The following ANKRD66 variants were observed in gnomAD, a reference collection of about 807,000 sequenced individuals.
ANKRD66 encodes the protein ankyrin repeat domain-containing protein 66.
ANKRD66 carries 10 observed loss-of-function variants against 10.9 expected under a neutral mutation model. The ratio of observed to expected loss-of-function variants is 0.91; its 90% CI spans 0.56 to 1.55. ANKRD66 has a LOEUF of 1.55. Among genes scored for constraint, ANKRD66 ranks in the 40% most tolerant of loss-of-function variants. The pLI is 0.00. For missense variants in ANKRD66, 252 were observed against 242.9 expected, an observed-to-expected ratio of 1.04 and a Z score of -0.25; for synonymous variants, 85 against 88.4, an observed-to-expected ratio of 0.96 and a Z score of 0.22.
At position 46,753,737 on chromosome 6, in the gene ANKRD66, T is replaced by C. The variant is rs757551826; in HGVS notation, c.179T>C (p.Ile60Thr). 3.8e-5 allele frequency: 59 copies of C among 1,549,866 alleles called. 1 individual carries two copies. The South Asian group carries it at 6.6e-4, about 17-fold the overall frequency. The change falls in exon 4 of 5, where the codon ATA becomes ACA. Residue 60 changes from isoleucine to threonine, a missense_variant. Transcript: ENST00000565422. ...TACATCTAAGGGCAAATGGAGGTGA[T>C]ACGGCTCCTGATAGAATATGGAGCC... Reference protein sequence around the residue: ...WAAIKGQMEVIRLLIEYGARP... With the variant: ...WAAIKGQMEVTRLLIEYGARP...
rs1766157013 is a variant in ANKRD66, at chr6:46,746,989, CAGTA to C, written c.-97+3_-97+6del. On this transcript the variant is annotated splice_donor_variant and splice_donor_region_variant and 5_prime_UTR_variant and intron_variant, in exon 1 of 5. Transcript: ENST00000565422. LOFTEE classifies it low-confidence loss of function (5UTR_SPLICE). The stretch of plus-strand genomic sequence containing the variant: ...AGAGCTCCTCAAATTTCACACAAGA[CAGTA>C]AGTGTTTTTAAGTTACCCTCTCTTA... The C allele has an allele frequency of 6.5e-7, 1 of 1,535,430 alleles. No individual in the cohort carries two copies. Among genetic ancestry groups the C allele is most frequent in the Non-Finnish European group, 8.7e-7 (1 of 1,146,712 alleles).
intron 4 of ANKRD66, among the ~76,000 whole-genome samples, chr6:46,754,573 T>C (rs952583473): frequency 6.6e-6 from 1 of 152,174 alleles, no homozygotes; most frequent in Middle Eastern, 3.2e-3. Flanking sequence ...CGACAAGCAA[T>C]TCATACAAGA....
intron 2 of ANKRD66, among the ~76,000 whole-genome samples, chr6:46,750,885 A>G (rs1249551044): frequency 6.6e-6 from 1 of 152,008 alleles, no homozygotes; most frequent in African/African-American, 2.4e-5. Flanking sequence ...GGTTTTATTA[A>G]AATCCATTGG....
chr6:46,755,258 T>G (rs544050296), intron 4 of ANKRD66, among the ~76,000 whole-genome samples: 1 of 152,340 alleles, frequency 6.6e-6, no homozygotes, highest in East Asian at 1.9e-4. Flanking sequence ...ACGTTTATCC[T>G]TGTTCAGCTA....
At position 46,759,404 on chromosome 6, in the gene ANKRD66, AC is replaced by A. The variant is rs1467402997; in HGVS notation, c.*484del. On this transcript the variant is annotated 3_prime_UTR_variant, in exon 5 of 5. Transcript: ENST00000565422. Reference sequence around the variant, plus strand: ...ACACATTAGATTTCAAACACTTAGTACAAAAATATAAAATGTCTCCTTAATA... The same window carrying A: ...ACACATTAGATTTCAAACACTTAGTAAAAAATATAAAATGTCTCCTTAATA... 2.0e-5 allele frequency: 3 copies of A among 152,388 alleles called. No individual in the cohort carries two copies. Among genetic ancestry groups the A allele is most frequent in the Non-Finnish European group, 4.4e-5 (3 of 68,154 alleles). The allele number at this position is 152,388 out of a possible 1,614,324, so 9.4% of individuals were successfully genotyped here.
At chr6:46,748,855 A>G (rs1582603802) in intron 1 of ANKRD66, among the ~76,000 whole-genome samples, 2 of 152,352 alleles carry the variant, frequency 1.3e-5, no homozygotes, top group East Asian at 3.9e-4. Flanking sequence ...ATTGCTACTC[A>G]GAGTGTGGTA....
At chr6:46,755,218 C>A (rs1766359808) in intron 4 of ANKRD66, among the ~76,000 whole-genome samples, 1 of 152,194 alleles carries the variant, frequency 6.6e-6, no homozygotes, top group African/African-American at 2.4e-5. Context: ...ACCTGGAATT[C>A]CCAACCTTAG....
intron 1 of ANKRD66, among the ~76,000 whole-genome samples, chr6:46,749,555 C>CCCCCA (rs1766220034): frequency 1.9e-5 from 1 of 52,930 alleles, no homozygotes; most frequent in Non-Finnish European, 3.5e-5. Context: ...TTTATTCCCC[C>CCCCCA]CCCCCCCCCC....
Position 46,753,746 on chromosome 6 carries a change from T to C in ANKRD66, c.188T>C (p.Leu63Pro). 1.3e-6 allele frequency: 2 copies of C among 1,550,930 alleles called. No individual in the cohort carries two copies. Among genetic ancestry groups the C allele is most frequent in the Non-Finnish European group, 1.7e-6 (2 of 1,146,654 alleles). The change falls in exon 4 of 5, where the codon CTG (leucine) becomes CCG (proline). Residue 63 changes from leucine to proline, a missense_variant. Physicochemically the swap from Leu to Pro is moderately conservative, Grantham distance 98. Coordinates refer to ENST00000565422, the MANE Select transcript of ANKRD66 (RefSeq NM_001162435.3). ...IKGQMEVIRLLIEYGARPCLV... is the reference protein window; with the variant it reads ...IKGQMEVIRLPIEYGARPCLV... ...GGGCAAATGGAGGTGATACGGCTCC[T>C]GATAGAATATGGAGCCAGGCCCTGC... is the stretch of plus-strand genomic sequence containing the variant.
At chr6:46,751,893 A>G in intron 2 of ANKRD66, 44 bp from the exon 3 acceptor site, 1 of 1,390,914 alleles carries the variant, frequency 7.2e-7, no homozygotes, top group Non-Finnish European at 9.4e-7. Flanking sequence ...CGCTAGGAAT[A>G]AAGAGTTACA....
At chr6:46,756,022 T>A in intron 4 of ANKRD66, 1 of 414,866 alleles carries the variant, frequency 2.4e-6, no homozygotes, top group Non-Finnish European at 4.7e-6. Context: ...CTTTTTCATC[T>A]TGTAAAACTG....
Position 46,747,456 on chromosome 6 carries a change from C to G in ANKRD66, c.-97+466C>G, listed in dbSNP as rs574364999. On this transcript the variant is annotated intron_variant, in intron 1 of 4. Transcript: ENST00000565422. ...CCTGTACTTATCAGCAGTCACTCCC[C>G]ACCCCAACCTCCATCGCAGCCCTAG... Among the ~76,000 whole-genome samples, 91 of 152,318 alleles carry G rather than the reference C, an allele frequency of 6.0e-4. No individual in the cohort carries two copies. In the South Asian group the frequency reaches 0.018, roughly 30 times the overall value.
chr6:46,754,444 C>T (rs1319050712), intron 4 of ANKRD66, among the ~76,000 whole-genome samples: 1 of 152,158 alleles, frequency 6.6e-6, no homozygotes, highest in Non-Finnish European at 1.5e-5. Flanking sequence ...TTAACTAGCA[C>T]CTGTTTATTT....
intron 1 of ANKRD66, among the ~76,000 whole-genome samples, chr6:46,747,336 T>C (rs1286564737): frequency 6.6e-6 from 1 of 152,208 alleles, no homozygotes; most frequent in Non-Finnish European, 1.5e-5. Context: ...AAAACTGGAT[T>C]CATTTAAAAT....
chr6:46,750,598 T>C (rs955525198), intron 2 of ANKRD66, among the ~76,000 whole-genome samples: 6 of 149,716 alleles, frequency 4.0e-5, no homozygotes, highest in Admixed American at 3.3e-4. Context: ...TACATATATG[T>C]GCATGAGATA....
At chr6:46,752,178 A>C in intron 3 of ANKRD66, 67 bp downstream of exon 3, 1 of 1,347,868 alleles carries the variant, frequency 7.4e-7, no homozygotes, top group Admixed American at 3.9e-5. Context: ...ATCAATCAGT[A>C]GGCTATGTGG....
intron 2 of ANKRD66, among the ~76,000 whole-genome samples, chr6:46,751,213 C>T (rs1371301793): frequency 6.6e-6 from 1 of 152,190 alleles, no homozygotes; most frequent in Non-Finnish European, 1.5e-5. Context: ...GTTTTCTACA[C>T]TATTGCTTTT....
At chr6:46,757,909 C>T (rs1235423560) in intron 4 of ANKRD66, 2 of 152,146 alleles carry the variant, frequency 1.3e-5, no homozygotes, top group Admixed American at 1.3e-4. Context: ...AACACTAATA[C>T]AAGACAGAGA....
At chr6:46,753,066 A>G (rs1409217572) in intron 3 of ANKRD66, among the ~76,000 whole-genome samples, 1 of 152,212 alleles carries the variant, frequency 6.6e-6, no homozygotes, top group East Asian at 1.9e-4. Flanking sequence ...GATGGTAGCT[A>G]TACCGAAACA....
Sources: gnomAD v4.1 joint callset for allele counts (sites outside exome capture counted in the v4.1 genomes callset) on GRCh38, gnomAD v4.1.1 for gene constraint, MANE v1.5 for transcripts, NCBI Gene and HGNC (gene_info 2026-07-23, HGNC 2026-07-21) for gene names.